Variants in ENTPD1 observed in about 807,000 individuals in gnomAD.
The protein encoded by ENTPD1 is ATP diphosphohydrolase.
In ENTPD1, 33 loss-of-function variants were observed where a neutral mutation model predicts 57.0. The observed-to-expected ratio is 0.58, with a 90% CI of 0.44 to 0.77. The LOEUF is 0.77. Among genes scored for constraint, ENTPD1 ranks in the 30% least tolerant of loss-of-function variants. The probability of loss-of-function intolerance (pLI) is 0.00; values close to 1 mark genes in which losing one functional copy is unlikely to be tolerated. For missense variants in ENTPD1, 501 were observed against 603.4 expected, an observed-to-expected ratio of 0.83 and a Z score of 1.78; for synonymous variants, 202 against 218.8, an observed-to-expected ratio of 0.92 and a Z score of 0.68.
intron 8 of ENTPD1, among the ~76,000 whole-genome samples, chr10:95,862,676 G>A (rs551116255): frequency 6.6e-6 from 1 of 152,284 alleles, no homozygotes; most frequent in East Asian, 1.9e-4. Flanking sequence ...CTTCATTAGA[G>A]GGCTAGTAGA....
At chr10:95,795,084 AG>A (rs1384785700) in intron 1 of ENTPD1, among the ~76,000 whole-genome samples, 1 of 152,178 alleles carries the variant, frequency 6.6e-6, no homozygotes, top group Non-Finnish European at 1.5e-5. Flanking sequence ...GTTGGAAAGC[AG>A]ATTGATGATA....
rs2098480232 is a variant in ENTPD1, at chr10:95,871,375, C to CTTAA, written c.*4994_*4997dup. ...TCAGTCTGCAACTTCTTTCCATAGC[C>CTTAA]TTAATCAGGATGCTGTGGCAGCTCC... On this transcript the variant is annotated 3_prime_UTR_variant, in exon 10 of 10. Transcript: ENST00000371205. 6 of 985,306 alleles carry CTTAA rather than the reference C, an allele frequency of 6.1e-6. No homozygotes were observed. Among genetic ancestry groups the CTTAA allele is most frequent in the Admixed American group, 1.2e-4 (2 of 16,270 alleles). The allele number at this position is 985,306 out of a possible 1,614,324, so 61.0% of individuals were successfully genotyped here.
In ENTPD1 at chr10:95,828,116, G is replaced by A. The variant is rs530871645; in HGVS notation, c.144+4752G>A. On this transcript the variant is annotated intron_variant, in intron 2 of 9. Coordinates refer to ENST00000371205, the MANE Select transcript of ENTPD1 (RefSeq NM_001776.6). ...GTACAGCAGGAGGTGAGGAACACGCGAGCGAGCAAAGCTTCATCTGTATTT... is the reference window on the plus strand; with the variant it reads ...GTACAGCAGGAGGTGAGGAACACGCAAGCGAGCAAAGCTTCATCTGTATTT... Among the ~76,000 whole-genome samples, 21 of 152,270 alleles carry A rather than the reference G, an allele frequency of 1.4e-4. No homozygotes were observed. In the East Asian group the frequency reaches 2.7e-3, roughly 20 times the overall value.
intron 1 of ENTPD1, among the ~76,000 whole-genome samples, chr10:95,819,749 G>GA (rs1026031238): frequency 6.6e-6 from 1 of 151,858 alleles, no homozygotes; most frequent in Non-Finnish European, 1.5e-5. Flanking sequence ...CACATGAAAA[G>GA]AAAAAAATGC....
chr10:95,723,546 C>T (rs1045844848), intron 1 of ENTPD1, among the ~76,000 whole-genome samples: 1 of 152,144 alleles, frequency 6.6e-6, no homozygotes, highest in Non-Finnish European at 1.5e-5. Context: ...GGAAATGAAA[C>T]TCTGAACCAT....
rs564217019 is a variant in ENTPD1, at chr10:95,818,169, CCA to C, written c.17-5064_17-5063del. Among the ~76,000 whole-genome samples, 372 of 152,222 alleles carry C rather than the reference CCA, an allele frequency of 2.4e-3. 1 individual carries two copies. The highest frequency in any genetic ancestry group is 3.9e-3 in the Non-Finnish European group (267 of 68,000). On this transcript the variant is annotated intron_variant, in intron 1 of 9. Transcript: ENST00000371205. ...GAATGGAATTACAAATGAAGGCGTC[CCA>C]CACTGAGAAAAGTTCAGAGAATCCA...
chr10:95,739,772 AATTTTT>A (rs1439185519), intron 1 of ENTPD1, among the ~76,000 whole-genome samples: 11 of 152,138 alleles, frequency 7.2e-5, no homozygotes, highest in African/African-American at 2.7e-4. Context: ...CTTTCCAGAA[AATTTTT>A]GATTTACTTT....
chr10:95,820,492 C>A (rs1007390407), intron 1 of ENTPD1, among the ~76,000 whole-genome samples: 1 of 152,174 alleles, frequency 6.6e-6, no homozygotes, highest in African/African-American at 2.4e-5. Context: ...TAAATTTTCT[C>A]GTTAGGAAAA....
Position 95,816,468 on chromosome 10 carries a change from T to A in ENTPD1, c.17-6769T>A, listed in dbSNP as rs148234511. Among the ~76,000 whole-genome samples the A allele has an allele frequency of 1.7e-4, 26 of 152,294 alleles. No homozygotes were observed. The East Asian group carries it at 4.8e-3, about 28-fold the overall frequency. On this transcript the variant is annotated intron_variant, in intron 1 of 9. Coordinates refer to ENST00000371205, the MANE Select transcript of ENTPD1 (RefSeq NM_001776.6). Reference sequence around the variant, plus strand: ...TATAGTAGGGTGTTCAGAGATGTAATTAAGCTAAGGATCTTGAGATGAAAT... The same window carrying A: ...TATAGTAGGGTGTTCAGAGATGTAAATAAGCTAAGGATCTTGAGATGAAAT...
At chr10:95,719,519 T>A (rs544232869) in intron 1 of ENTPD1, among the ~76,000 whole-genome samples, 2 of 152,216 alleles carry the variant, frequency 1.3e-5, no homozygotes, top group Non-Finnish European at 2.9e-5. Context: ...TAAGCCAGTA[T>A]AGGCTGGATA....
At chr10:95,699,915 T>C in the ENTPD1 span, among the ~76,000 whole-genome samples, 1 of 152,036 alleles carries the variant, frequency 6.6e-6, no homozygotes, top group Non-Finnish European at 1.5e-5. Context: ...TCCAGCAGAA[T>C]ACCACAGAGT....
chr10:95,815,938 G>A (rs879450380), intron 1 of ENTPD1, among the ~76,000 whole-genome samples: 3 of 152,160 alleles, frequency 2.0e-5, no homozygotes, highest in African/African-American at 4.8e-5. Flanking sequence ...CCCTTTTCCC[G>A]TGATTCTTCC....
At chr10:95,824,712 T>C (rs567726323) in intron 2 of ENTPD1, among the ~76,000 whole-genome samples, 1 of 152,344 alleles carries the variant, frequency 6.6e-6, no homozygotes, top group East Asian at 1.9e-4. Context: ...GCAAAATCCA[T>C]GACAAACTTG....
chr10:95,733,668 G>A (rs1029088695), intron 1 of ENTPD1, among the ~76,000 whole-genome samples: 27 of 152,084 alleles, frequency 1.8e-4, no homozygotes, highest in African/African-American at 5.3e-4. Context: ...CCTCTTTTCC[G>A]GGTCCCTGAC....
the ENTPD1 span, among the ~76,000 whole-genome samples, chr10:95,695,601 G>T: frequency 6.7e-4 from 102 of 152,292 alleles, no homozygotes; most frequent in Non-Finnish European, 1.4e-3. Flanking sequence ...GTTGTTGTGT[G>T]ATAGACAGCT....
At chr10:95,824,452 A>G (rs2098366364) in intron 2 of ENTPD1, among the ~76,000 whole-genome samples, 1 of 152,206 alleles carries the variant, frequency 6.6e-6, no homozygotes, top group Non-Finnish European at 1.5e-5. Flanking sequence ...GTCAAGTTCA[A>G]CCCAGTGGTG....
chr10:95,699,446 C>A, the ENTPD1 span, among the ~76,000 whole-genome samples: 2 of 151,794 alleles, frequency 1.3e-5, no homozygotes, highest in South Asian at 2.1e-4. Flanking sequence ...CCTGTCTCTA[C>A]AAAAAATAAA....
At chr10:95,738,081 G>A (rs2097996532) in intron 1 of ENTPD1, among the ~76,000 whole-genome samples, 1 of 152,162 alleles carries the variant, frequency 6.6e-6, no homozygotes, top group South Asian at 2.1e-4. Flanking sequence ...GACCAGGAGA[G>A]GATCCCAATG....
rs1268810609 is a variant in ENTPD1, at chr10:95,876,119, T to C, written c.*9736T>C. On this transcript the variant is annotated 3_prime_UTR_variant, in exon 10 of 10. Coordinates refer to ENST00000371205, the MANE Select transcript of ENTPD1 (RefSeq NM_001776.6). ...GTCTATTATCATACATAACTAAAAA[T>C]AGAGCCTCAATAAACAGATTCCCAG... The C allele has an allele frequency of 2.0e-6, 2 of 985,304 alleles. No homozygotes were observed. Among genetic ancestry groups the C allele is most frequent in the African/African-American group, 3.5e-5 (2 of 57,250 alleles). The allele number at this position is 985,304 out of a possible 1,614,324, so 61.0% of individuals were successfully genotyped here.
Sources: gnomAD v4.1 joint callset for allele counts (sites outside exome capture counted in the v4.1 genomes callset) on GRCh38, gnomAD v4.1.1 for gene constraint, MANE v1.5 for transcripts, NCBI Gene and HGNC (gene_info 2026-07-23, HGNC 2026-07-21) for gene names.